PLAC1: variants seen among roughly 807,000 people sequenced by gnomAD.
PLAC1 encodes placenta-specific protein 1.
For missense variants in PLAC1, 136 were observed against 163.2 expected, an observed-to-expected ratio of 0.83 and a Z score of 0.91; for synonymous variants, 68 against 62.1, an observed-to-expected ratio of 1.09 and a Z score of -0.44.
chrX:134,619,710 T>C (rs2078202304), intron 1 of PLAC1, among the ~76,000 whole-genome samples: 1 of 109,051 alleles, frequency 9.2e-6, no homozygotes, highest in Non-Finnish European at 1.9e-5. Context: ...TTTTAGAAAA[T>C]GATAAACTAG....
upstream of PLAC1, among the ~76,000 whole-genome samples, chrX:134,659,314 A>T (rs984592195): frequency 8.9e-6 from 1 of 111,912 alleles, no homozygotes; most frequent in African/African-American, 3.2e-5. Flanking sequence ...TTTTTTCAAA[A>T]ATTTAAATAT....
intron 2 of PLAC1, among the ~76,000 whole-genome samples, chrX:134,667,438 A>G (rs1434300564): frequency 4.4e-5 from 5 of 112,410 alleles, no homozygotes; most frequent in East Asian, 5.6e-4. Flanking sequence ...CTCGACATCA[A>G]TAATTAGGGT....
At chrX:134,726,647 A>G (rs754725968) in intron 2 of PLAC1, among the ~76,000 whole-genome samples, 21 of 109,686 alleles carry the variant, frequency 1.9e-4, no homozygotes, top group Non-Finnish European at 3.4e-4. Flanking sequence ...ACATGGTGAA[A>G]CCCTGTCTCT....
chrX:134,721,938 C>T (rs1028794514), intron 2 of PLAC1, among the ~76,000 whole-genome samples: 11 of 111,896 alleles, frequency 9.8e-5, no homozygotes, highest in Non-Finnish European at 1.3e-4. Flanking sequence ...AGAATTGGAA[C>T]GCTCATACAT....
chrX:134,567,378 A>G (rs935359247), intron 2 of PLAC1, among the ~76,000 whole-genome samples: 4 of 112,350 alleles, frequency 3.6e-5, no homozygotes, highest in African/African-American at 1.3e-4. Flanking sequence ...CACCTTGTAA[A>G]ATACTAAAAT....
At chrX:134,597,830 G>C (rs767866829) in intron 2 of PLAC1, among the ~76,000 whole-genome samples, 32 of 111,646 alleles carry the variant, frequency 2.9e-4, no homozygotes, top group Middle Eastern at 9.3e-3. Flanking sequence ...CCTTTGGCTA[G>C]AGAGAGTAGG....
chrX:134,597,428 C>T lies in PLAC1; in HGVS notation c.-59+4623G>A, dbSNP rs752099927. On this transcript the variant is annotated intron_variant, in intron 2 of 2. Coordinates refer to ENST00000359237, the MANE Select transcript of PLAC1 (RefSeq NM_021796.4). ...GCTCATTGAAGCATTTTTATGATAGCTGTTTCAAAATCTTTGTCAGATAAT... is the reference window on the plus strand; with the variant it reads ...GCTCATTGAAGCATTTTTATGATAGTTGTTTCAAAATCTTTGTCAGATAAT... 8.0e-5 allele frequency among the ~76,000 whole-genome samples: 9 copies of T among 112,383 alleles called. No individual in the cohort carries two copies. In the South Asian group the frequency reaches 3.3e-3, roughly 41 times the overall value.
chrX:134,638,695 C>T (rs1208888949), intron 1 of PLAC1, among the ~76,000 whole-genome samples: 1 of 110,568 alleles, frequency 9.0e-6, no homozygotes, highest in Non-Finnish European at 1.9e-5. Flanking sequence ...TTCTTTGGTC[C>T]TGCTCTTACT....
chrX:134,578,494 G>A (rs2077955507), intron 2 of PLAC1, among the ~76,000 whole-genome samples: 1 of 100,662 alleles, frequency 9.9e-6, no homozygotes, highest in African/African-American at 3.6e-5. Context: ...GTGGGGCAGT[G>A]GAAATGGTCT....
chrX:134,618,749 T>C (rs1417537298), intron 1 of PLAC1, among the ~76,000 whole-genome samples: 1 of 110,981 alleles, frequency 9.0e-6, no homozygotes, highest in Non-Finnish European at 1.9e-5. Context: ...ACAACAACCC[T>C]GTTATTATTC....
At chrX:134,751,255 C>T (rs1224670383) in intron 1 of PLAC1, among the ~76,000 whole-genome samples, 2 of 109,001 alleles carry the variant, frequency 1.8e-5, no homozygotes, top group East Asian at 2.8e-4. Flanking sequence ...CTGAATGGGA[C>T]GGTGCAAATG....
intron 2 of PLAC1, chrX:134,601,042 T>C (rs2078086154): frequency 1.1e-5 from 1 of 89,313 alleles, no homozygotes; most frequent in South Asian, 6.5e-4. Context: ...ATTATTTCTT[T>C]CTAGTCATTT....
At chrX:134,569,474 G>A (rs887736052) in intron 2 of PLAC1, among the ~76,000 whole-genome samples, 2 of 111,639 alleles carry the variant, frequency 1.8e-5, no homozygotes, top group African/African-American at 3.3e-5. Flanking sequence ...AGAAATAAAC[G>A]AAGATGACTA....
intron 2 of PLAC1, among the ~76,000 whole-genome samples, chrX:134,679,640 G>T (rs1394502779): frequency 9.0e-6 from 1 of 111,730 alleles, no homozygotes; most frequent in Non-Finnish European, 1.9e-5. Context: ...TAATGATCTG[G>T]CTCAAAATGT....
intron 1 of PLAC1, among the ~76,000 whole-genome samples, chrX:134,646,468 T>C (rs1231968061): frequency 1.8e-5 from 2 of 112,328 alleles, no homozygotes; most frequent in Non-Finnish European, 1.9e-5. Context: ...TGACTTACAT[T>C]TAGATTTCGA....
At chrX:134,649,479 G>A (rs775008306) in intron 1 of PLAC1, among the ~76,000 whole-genome samples, 37 of 110,229 alleles carry the variant, frequency 3.4e-4, no homozygotes, top group African/African-American at 1.2e-3. Flanking sequence ...GGCCATGGTG[G>A]GAGCATTTAC....
chrX:134,597,045 C>T (rs2078065354), intron 2 of PLAC1, among the ~76,000 whole-genome samples: 1 of 111,212 alleles, frequency 9.0e-6, no homozygotes, highest in South Asian at 3.8e-4. Context: ...ATGTCTTTTG[C>T]CAAATTTGGA....
intron 2 of PLAC1, chrX:134,601,434 C>T (rs2078088770): frequency 8.9e-6 from 1 of 111,927 alleles, no homozygotes; most frequent in Non-Finnish European, 1.9e-5. Flanking sequence ...CCAAGTTGCC[C>T]TGTGGGAGAG....
rs546837808 is a variant in PLAC1 at position 134,712,329 on chromosome X, T to C, written n.174+21106A>G. On this transcript the variant is annotated intron_variant and non_coding_transcript_variant, in intron 2 of 2. Transcript: ENST00000466797. ...TCCATTATTAGTAAGTTCCTTTTTCTAGTTTGACTCATGACCGAGAATTTC... is the reference window on the plus strand; with the variant it reads ...TCCATTATTAGTAAGTTCCTTTTTCCAGTTTGACTCATGACCGAGAATTTC... Among the ~76,000 whole-genome samples the C allele has an allele frequency of 4.5e-5, 5 of 111,425 alleles. No homozygotes were observed. The East Asian group carries it at 1.4e-3, about 31-fold the overall frequency.
Sources: allele counts gnomAD v4.1 joint callset (sites outside exome capture counted in the v4.1 genomes callset), GRCh38; gene constraint gnomAD v4.1.1; transcripts MANE v1.5; gene names NCBI Gene and HGNC (gene_info 2026-07-23, HGNC 2026-07-21).